SORCS1: variants seen among roughly 807,000 people sequenced by gnomAD.
SORCS1 encodes sortilin related VPS10 domain containing receptor 1, also known as VPS10 domain-containing receptor SorCS1.
In SORCS1, 60 loss-of-function variants were observed where a neutral mutation model predicts 146.1. The observed-to-expected ratio is 0.41, with a 90% confidence interval of 0.33 to 0.51. The LOEUF (loss-of-function observed/expected upper bound fraction) is 0.51. Among genes scored for constraint, SORCS1 ranks in the 20% least tolerant of loss-of-function variants. The pLI is 0.21. For missense variants in SORCS1, 1,352 were observed against 1,487.6 expected, an observed-to-expected ratio of 0.91 and a Z score of 1.50; for synonymous variants, 637 against 584.0, an observed-to-expected ratio of 1.09 and a Z score of -1.31.
chr10:106,883,454 A>G (rs7069960), intron 2 of SORCS1, among the ~76,000 whole-genome samples: 9,862 of 148,730 alleles, frequency 0.066, 513 homozygotes, highest in East Asian at 0.14. Flanking sequence ...TTGCTCTATC[A>G]CCCAGGCTGG....
At chr10:106,708,991 C>T (rs747514522) in intron 7 of SORCS1, among the ~76,000 whole-genome samples, 1 of 152,110 alleles carries the variant, frequency 6.6e-6, no homozygotes, top group Non-Finnish European at 1.5e-5. Context: ...TTGATAAGAT[C>T]CTCTGGACAC....
intron 2 of SORCS1, among the ~76,000 whole-genome samples, chr10:106,831,691 A>G (rs1339271784): frequency 2.7e-5 from 4 of 146,414 alleles, no homozygotes; most frequent in Non-Finnish European, 5.9e-5. Context: ...GCTAGGAATT[A>G]AGGATTTATT....
At chr10:107,065,947 T>C (rs1320992273) in intron 1 of SORCS1, among the ~76,000 whole-genome samples, 1 of 152,214 alleles carries the variant, frequency 6.6e-6, no homozygotes, top group Non-Finnish European at 1.5e-5. Context: ...AGAGACAGGA[T>C]TCAAACCCAG....
chr10:106,769,801 AT>A (rs1362534316), intron 4 of SORCS1, among the ~76,000 whole-genome samples: 12 of 152,340 alleles, frequency 7.9e-5, no homozygotes, highest in South Asian at 4.1e-4. Flanking sequence ...AGCTGTTAAT[AT>A]TTAGAGTTTC....
At chr10:106,910,584 C>A (rs930425166) in intron 2 of SORCS1, among the ~76,000 whole-genome samples, 2 of 152,094 alleles carry the variant, frequency 1.3e-5, no homozygotes, top group African/African-American at 4.8e-5. Flanking sequence ...ATATAACCGT[C>A]GCTCACAGAA....
At chr10:106,867,287 ATT>A (rs57311191) in intron 2 of SORCS1, among the ~76,000 whole-genome samples, 2 of 144,890 alleles carry the variant, frequency 1.4e-5, no homozygotes, top group Non-Finnish European at 3.0e-5. Context: ...CTTATATTAA[ATT>A]TTTTTTTTTT....
chr10:107,038,431 C>T (rs1193476548), intron 1 of SORCS1, among the ~76,000 whole-genome samples: 6 of 151,412 alleles, frequency 4.0e-5, no homozygotes, highest in South Asian at 2.1e-4. Context: ...AGGAGATATA[C>T]CTAATGCTAA....
At chr10:107,171,234 C>T in the SORCS1 span, among the ~76,000 whole-genome samples, 3 of 151,996 alleles carry the variant, frequency 2.0e-5, no homozygotes, top group Admixed American at 6.6e-5. Context: ...ATTTAAAGAC[C>T]ACCATACCCC....
At chr10:107,160,260 C>T (rs1474037632) in intron 1 of SORCS1, among the ~76,000 whole-genome samples, 1 of 152,186 alleles carries the variant, frequency 6.6e-6, no homozygotes, top group African/African-American at 2.4e-5. Flanking sequence ...GTCCATTGAA[C>T]AAGCCCTTCT....
intron 1 of SORCS1, among the ~76,000 whole-genome samples, chr10:107,125,074 T>G (rs560128011): frequency 2.0e-5 from 3 of 148,172 alleles, no homozygotes; most frequent in African/African-American, 7.4e-5. Context: ...TGCCTCCGCC[T>G]CCCAAGCAGC....
At chr10:106,925,933 A>C (rs1436108941) in intron 2 of SORCS1, among the ~76,000 whole-genome samples, 2 of 152,254 alleles carry the variant, frequency 1.3e-5, no homozygotes, top group Non-Finnish European at 2.9e-5. Context: ...GTGTATAAAC[A>C]ATTTATGAAA....
In SORCS1 at chr10:106,840,531, T is replaced by A. The variant is rs113603305; in HGVS notation, c.627-10858A>T. Reference sequence around the variant, plus strand: ...GAATGTGGTGTAAACATTGTTGAAATGACAGCAAAGAATTTAGAATATTAA... The same window carrying A: ...GAATGTGGTGTAAACATTGTTGAAAAGACAGCAAAGAATTTAGAATATTAA... On this transcript the variant is annotated intron_variant, in intron 2 of 25. Transcript: ENST00000263054. 9.3e-3 allele frequency among the ~76,000 whole-genome samples: 1,422 copies of A among 152,214 alleles called. 24 individuals carry two copies. The highest frequency in any genetic ancestry group is 0.033 in the African/African-American group (1,354 of 41,534).
At chr10:106,752,983 T>C (rs1043711482) in intron 5 of SORCS1, among the ~76,000 whole-genome samples, 20 of 152,086 alleles carry the variant, frequency 1.3e-4, no homozygotes, top group African/African-American at 3.9e-4. Context: ...GCAACATAAA[T>C]TGAAAGTGAG....
At chr10:106,829,974 C>G (rs1290157563) in intron 2 of SORCS1, among the ~76,000 whole-genome samples, 1 of 152,088 alleles carries the variant, frequency 6.6e-6, no homozygotes, top group Non-Finnish European at 1.5e-5. Flanking sequence ...TTGATTTGAC[C>G]AAAGAATTAA....
intron 2 of SORCS1, among the ~76,000 whole-genome samples, chr10:106,864,049 CA>C (rs1950133686): frequency 1.3e-5 from 2 of 152,134 alleles, no homozygotes; most frequent in African/African-American, 4.8e-5. Flanking sequence ...TCAAAACCCG[CA>C]CAGTATGTAG....
At chr10:106,730,386 C>T (rs773180713) in intron 5 of SORCS1, among the ~76,000 whole-genome samples, 3 of 152,188 alleles carry the variant, frequency 2.0e-5, no homozygotes, top group Non-Finnish European at 4.4e-5. Context: ...ACAGGTCCTA[C>T]GCATGTTGGG....
chr10:107,145,803 A>C (rs184361479), intron 1 of SORCS1, among the ~76,000 whole-genome samples: 11 of 152,242 alleles, frequency 7.2e-5, no homozygotes, highest in African/African-American at 2.7e-4. Flanking sequence ...AGAAAAGAGG[A>C]CAACTTTTAA....
At chr10:106,996,745 C>T (rs1017768344) in intron 1 of SORCS1, among the ~76,000 whole-genome samples, 5 of 152,174 alleles carry the variant, frequency 3.3e-5, no homozygotes, top group Admixed American at 6.5e-5. Context: ...CAGAGTGTGT[C>T]GCCTGCATAA....
chr10:106,753,060 G>A (rs564682014), intron 5 of SORCS1, among the ~76,000 whole-genome samples: 43 of 151,764 alleles, frequency 2.8e-4, no homozygotes, highest in Admixed American at 2.6e-3. Flanking sequence ...TAAGAGATGA[G>A]GCAGAGTATC....
Sources: allele counts gnomAD v4.1 joint callset (sites outside exome capture counted in the v4.1 genomes callset), GRCh38; gene constraint gnomAD v4.1.1; transcripts MANE v1.5; gene names NCBI Gene and HGNC (gene_info 2026-07-23, HGNC 2026-07-21).